The following SHISA9 variants were observed in gnomAD, a reference collection of about 807,000 sequenced individuals.
SHISA9 encodes the protein shisa family member 9, also known as protein shisa-9.
SHISA9 carries 13 observed loss-of-function variants against 38.0 expected under a neutral mutation model. That is an observed-to-expected ratio of 0.34 (90% CI 0.22 to 0.54). SHISA9 has a LOEUF of 0.54. Among genes scored for constraint, SHISA9 ranks in the 20% least tolerant of loss-of-function variants. SHISA9 has a pLI of 0.91. For synonymous variants in SHISA9, 275 were observed against 242.0 expected (o/e 1.14, Z -1.27); for missense variants, 538 against 575.8 (o/e 0.93, Z 0.67).
intron 2 of SHISA9, among the ~76,000 whole-genome samples, chr16:13,073,799 A>G (rs980815066): frequency 6.6e-6 from 1 of 152,150 alleles, no homozygotes; most frequent in African/African-American, 2.4e-5. Flanking sequence ...AGGCGGATAC[A>G]AGCCAAGGAA....
intron 2 of SHISA9, among the ~76,000 whole-genome samples, chr16:13,079,745 G>T (rs1466394386): frequency 6.6e-6 from 1 of 152,124 alleles, no homozygotes; most frequent in Non-Finnish European, 1.5e-5. Context: ...CGGGTTCCTT[G>T]ACAAAAATTC....
chr16:13,275,234 G>T, the SHISA9 span, among the ~76,000 whole-genome samples: 1 of 151,954 alleles, frequency 6.6e-6, no homozygotes, highest in African/African-American at 2.4e-5. Flanking sequence ...TTTCTTTTTA[G>T]ATCTTTTCTA....
intron 2 of SHISA9, among the ~76,000 whole-genome samples, chr16:13,180,565 G>T (rs894303301): frequency 6.6e-6 from 1 of 152,150 alleles, no homozygotes; most frequent in Non-Finnish European, 1.5e-5. Flanking sequence ...GGGCAGGGTG[G>T]CATGCACCTG....
chr16:13,363,455 G>A, the SHISA9 span, among the ~76,000 whole-genome samples: 1 of 152,202 alleles, frequency 6.6e-6, no homozygotes, highest in South Asian at 2.1e-4. Context: ...GGTGGTGGTG[G>A]CAAGGATAGG....
At chr16:13,260,007 C>CTTTCTTTTTT in the SHISA9 span, among the ~76,000 whole-genome samples, 63 of 60,448 alleles carry the variant, frequency 1.0e-3, 1 homozygote, top group Non-Finnish European at 1.3e-3. Flanking sequence ...TTCTTTCTTT[C>CTTTCTTTTTT]TTTTTTTTTT....
At chr16:13,092,646 A>G (rs2073786919) in intron 2 of SHISA9, among the ~76,000 whole-genome samples, 1 of 152,200 alleles carries the variant, frequency 6.6e-6, no homozygotes, top group African/African-American at 2.4e-5. Flanking sequence ...GGAGAGAATC[A>G]CCTTGTCTGC....
chr16:13,270,226 CA>C, the SHISA9 span, among the ~76,000 whole-genome samples: 1 of 152,086 alleles, frequency 6.6e-6, no homozygotes, highest in South Asian at 2.1e-4. Flanking sequence ...CTGGCTGAGA[CA>C]AGGAGTAGGA....
chr16:13,332,613 C>A, the SHISA9 span: 1 of 152,154 alleles, frequency 6.6e-6, no homozygotes, highest in Admixed American at 6.6e-5. Context: ...TCCATCAGCA[C>A]AGCAAGGAAG....
At chr16:13,294,336 G>T in the SHISA9 span, among the ~76,000 whole-genome samples, 5 of 152,170 alleles carry the variant, frequency 3.3e-5, no homozygotes, top group Non-Finnish European at 5.9e-5. Flanking sequence ...CTGCAAATCA[G>T]CTGGAACTGT....
chr16:13,075,560 C>A (rs1011648291), intron 2 of SHISA9, among the ~76,000 whole-genome samples: 3 of 152,172 alleles, frequency 2.0e-5, no homozygotes, highest in African/African-American at 7.2e-5. Flanking sequence ...GGATCCTTCT[C>A]GTTCTGAAAA....
chr16:13,235,412 T>C lies in SHISA9; in HGVS notation c.*3T>C, dbSNP rs2051373192. The C allele has an allele frequency of 2.0e-6, 3 of 1,533,990 alleles. No homozygotes were observed. Among genetic ancestry groups the C allele is most frequent in the African/African-American group, 2.7e-5 (2 of 72,992 alleles). On this transcript the variant is annotated 3_prime_UTR_variant, in exon 5 of 5. Coordinates refer to ENST00000558583, the MANE Select transcript of SHISA9 (RefSeq NM_001145204.3). ...GCAAAACAGAAGTGACTGTCTGAGC[T>C]TTCACCACAGGGAGCACCCTGGAGA... is the stretch of plus-strand genomic sequence containing the variant.
chr16:13,315,540 C>CT, the SHISA9 span, among the ~76,000 whole-genome samples: 1 of 152,272 alleles, frequency 6.6e-6, no homozygotes, highest in Non-Finnish European at 1.5e-5. Flanking sequence ...TAGCTAAGAG[C>CT]ATGGACTTGA....
At chr16:13,091,567 A>AC (rs1313851280) in intron 2 of SHISA9, among the ~76,000 whole-genome samples, 1 of 152,084 alleles carries the variant, frequency 6.6e-6, no homozygotes, top group African/African-American at 2.4e-5. Context: ...AATCACTGAT[A>AC]CCCTTTCTTC....
the SHISA9 span, among the ~76,000 whole-genome samples, chr16:13,308,335 A>G: frequency 2.0e-5 from 3 of 152,054 alleles, no homozygotes; most frequent in African/African-American, 7.2e-5. Context: ...TTCAAATGGC[A>G]TTGTTAGTTG....
the SHISA9 span, among the ~76,000 whole-genome samples, chr16:13,484,477 C>G: frequency 2.0e-5 from 3 of 152,274 alleles, no homozygotes; most frequent in South Asian, 6.2e-4. Context: ...TCAAGTAGCT[C>G]CAACTCACAG....
chr16:12,920,882 C>G (rs770609821), intron 2 of SHISA9, among the ~76,000 whole-genome samples: 4 of 152,186 alleles, frequency 2.6e-5, no homozygotes, highest in African/African-American at 9.7e-5. Flanking sequence ...TAATAGAGCA[C>G]ACTTTGATCA....
chr16:13,031,297 G>A (rs182939871), intron 2 of SHISA9, among the ~76,000 whole-genome samples: 3 of 152,148 alleles, frequency 2.0e-5, no homozygotes, highest in Non-Finnish European at 2.9e-5. Context: ...AGAAACCCCA[G>A]TTATTCATGC....
chr16:13,114,845 A>G (rs1376876032), intron 2 of SHISA9, among the ~76,000 whole-genome samples: 1 of 152,062 alleles, frequency 6.6e-6, no homozygotes, highest in Non-Finnish European at 1.5e-5. Flanking sequence ...TTTTCACTTA[A>G]CATTATGCTT....
the SHISA9 span, among the ~76,000 whole-genome samples, chr16:13,257,399 A>G: frequency 3.3e-5 from 5 of 152,212 alleles, no homozygotes; most frequent in African/African-American, 9.6e-5. Context: ...TCTAACAATA[A>G]CAAGCCCATA....
Sources: gnomAD v4.1 joint callset for allele counts (sites outside exome capture counted in the v4.1 genomes callset) on GRCh38, gnomAD v4.1.1 for gene constraint, MANE v1.5 for transcripts, NCBI Gene and HGNC (gene_info 2026-07-23, HGNC 2026-07-21) for gene names.